The following FAR2 variants were observed in gnomAD, a reference collection of about 807,000 sequenced individuals.
FAR2 encodes the protein fatty acyl-CoA reductase 2, also known as epididymis secretory protein Li 81.
FAR2 carries 19 observed loss-of-function variants against 56.0 expected under a neutral mutation model. The ratio of observed to expected loss-of-function variants is 0.34; its 90% CI spans 0.24 to 0.50. FAR2 has a LOEUF of 0.50. Ranked by LOEUF, FAR2 falls within the 20% of genes least tolerant of loss-of-function variation. The pLI is 0.98. For missense variants in FAR2, 508 were observed against 642.2 expected (o/e 0.79, Z 2.26); for synonymous variants, 219 against 218.8 (o/e 1.00, Z -0.01).
rs11050198 is a variant in FAR2, at chr12:29,328,161, T to C, written c.1258-4439T>C. 8.2e-3 allele frequency among the ~76,000 whole-genome samples: 1,245 copies of C among 152,088 alleles called. 18 individuals are homozygous for C. The highest frequency in any genetic ancestry group is 0.033 in the East Asian group (170 of 5,162). ...CAAAAAACACATGAAAAAATGCTCA[T>C]CATCACTGGCCATCAGAGAAATGCA... On this transcript the variant is annotated intron_variant, in intron 10 of 11. Coordinates refer to ENST00000536681, the MANE Select transcript of FAR2 (RefSeq NM_001271783.2).
intron 1 of FAR2, among the ~76,000 whole-genome samples, chr12:29,226,035 A>C (rs1947763901): frequency 6.6e-6 from 1 of 152,170 alleles, no homozygotes; most frequent in African/African-American, 2.4e-5. Flanking sequence ...GACTCGTACA[A>C]ATTACTTAAG....
chr12:29,154,521 G>A (rs1324910408), intron 1 of FAR2, among the ~76,000 whole-genome samples: 7 of 151,452 alleles, frequency 4.6e-5, no homozygotes, highest in African/African-American at 4.9e-5. Context: ...TGCAAGCTCC[G>A]CCTCCCAGGT....
At chr12:29,207,699 G>C (rs1947491928) in intron 1 of FAR2, among the ~76,000 whole-genome samples, 1 of 152,168 alleles carries the variant, frequency 6.6e-6, no homozygotes, top group Non-Finnish European at 1.5e-5. Context: ...TGGATGGATA[G>C]ATAGACAGAT....
intron 1 of FAR2, among the ~76,000 whole-genome samples, chr12:29,262,814 T>C (rs1188837687): frequency 6.6e-6 from 1 of 152,106 alleles, no homozygotes; most frequent in Admixed American, 6.5e-5. Flanking sequence ...TAACATTGAA[T>C]GTAAATGGAC....
intron 1 of FAR2, among the ~76,000 whole-genome samples, chr12:29,159,990 A>T (rs1949767425): frequency 1.3e-5 from 2 of 152,210 alleles, no homozygotes; most frequent in African/African-American, 4.8e-5. Context: ...TGGAGGCAAG[A>T]TCAAAAACCA....
chr12:29,270,072 C>T (rs1434877683), intron 1 of FAR2, among the ~76,000 whole-genome samples: 1 of 152,188 alleles, frequency 6.6e-6, no homozygotes, highest in Non-Finnish European at 1.5e-5. Context: ...TTCTATGTAC[C>T]CCTCTCAGGT....
At chr12:29,277,798 T>C (rs1461488752) in intron 2 of FAR2, 1 of 152,214 alleles carries the variant, frequency 6.6e-6, no homozygotes, top group African/African-American at 2.4e-5. Flanking sequence ...CAAAAATTTA[T>C]AGAAGTATAA....
At chr12:29,242,108 C>T (rs1948046515) in intron 1 of FAR2, among the ~76,000 whole-genome samples, 1 of 152,190 alleles carries the variant, frequency 6.6e-6, no homozygotes, top group African/African-American at 2.4e-5. Context: ...GAAGGAGTCA[C>T]ACCAGTGTGA....
chr12:29,263,695 A>G (rs1475091331), intron 1 of FAR2, among the ~76,000 whole-genome samples: 1 of 143,124 alleles, frequency 7.0e-6, no homozygotes. Context: ...TGTACAACGT[A>G]CTAAGAATAA....
At chr12:29,274,950 G>A (rs562737367) in intron 2 of FAR2, among the ~76,000 whole-genome samples, 4 of 141,424 alleles carry the variant, frequency 2.8e-5, no homozygotes, top group African/African-American at 7.9e-5. Context: ...AAATGGACGC[G>A]CATGAAATTT....
At position 29,225,590 on chromosome 12, in the gene FAR2, T is replaced by C. The variant is rs1016413712; in HGVS notation, c.-38-44822T>C. Among the ~76,000 whole-genome samples, 13 of 152,216 alleles carry C rather than the reference T, an allele frequency of 8.5e-5. No individual in the cohort carries two copies. In the East Asian group the frequency reaches 2.5e-3, roughly 29 times the overall value. ...TGCTCTGGAATAAGCTCTGTAATAC[T>C]ATTTCTAGTCAGAGTACACCTCAAA... On this transcript the variant is annotated intron_variant, in intron 1 of 11. Transcript: ENST00000536681.
chr12:29,211,599 C>G (rs559530627), intron 1 of FAR2, among the ~76,000 whole-genome samples: 2 of 152,134 alleles, frequency 1.3e-5, no homozygotes, highest in Non-Finnish European at 2.9e-5. Flanking sequence ...CCATCATAAG[C>G]GAGCAACTGA....
Position 29,314,592 on chromosome 12 carries a change from C to T in FAR2, c.956-2249C>T, listed in dbSNP as rs11050180. Among the ~76,000 whole-genome samples the T allele has an allele frequency of 8.3e-3, 1,263 of 152,026 alleles. 19 individuals carry two copies. The highest frequency in any genetic ancestry group is 0.034 in the East Asian group (174 of 5,164). On this transcript the variant is annotated intron_variant, in intron 8 of 11. Coordinates refer to ENST00000536681, the MANE Select transcript of FAR2 (RefSeq NM_001271783.2). ...CATTTGGACAGCTTTCTCAGAAAGC[C>T]TTTCCTAACCCAGCCTCACCCCTCC... is the stretch of plus-strand genomic sequence containing the variant.
In FAR2 at chr12:29,332,671, A is replaced by G. The variant is rs746310212; in HGVS notation, c.1329A>G (p.Lys443=). 2 of 1,613,830 alleles carry G rather than the reference A, an allele frequency of 1.2e-6. No homozygotes were observed. The highest frequency in any genetic ancestry group is 2.2e-5 in the East Asian group (1 of 44,856). The stretch of plus-strand genomic sequence containing the variant: ...AAAATTATGTTTTGGGAGTTAAAAA[A>G]TACTTATTGAAAGAGGATATGGCTG... ...YIENYVLGVK[K]YLLKEDMAGI... The change falls in exon 11 of 12, where the codon AAA becomes AAG. Residue 443 remains lysine (K), a synonymous_variant. Coordinates refer to ENST00000536681, the MANE Select transcript of FAR2 (RefSeq NM_001271783.2).
chr12:29,198,656 T>A (rs1293428223), intron 1 of FAR2, among the ~76,000 whole-genome samples: 2 of 152,192 alleles, frequency 1.3e-5, no homozygotes, highest in African/African-American at 4.8e-5. Flanking sequence ...TTTGAACATT[T>A]TTTTAAAAAC....
At position 29,328,658 on chromosome 12, in the gene FAR2, C is replaced by T. The variant is rs561998628; in HGVS notation, c.1258-3942C>T. On this transcript the variant is annotated intron_variant, in intron 10 of 11. Transcript: ENST00000536681. Reference sequence around the variant, plus strand: ...ATCGCAAGGACAAAAAACCAAACACCGCATGTTCTCACTCATAGGTGGGAA... The same window carrying T: ...ATCGCAAGGACAAAAAACCAAACACTGCATGTTCTCACTCATAGGTGGGAA... 4.8e-4 allele frequency among the ~76,000 whole-genome samples: 72 copies of T among 149,034 alleles called. 1 individual carries two copies. Among genetic ancestry groups the T allele is most frequent in the South Asian group, 1.3e-3 (6 of 4,696 alleles).
intron 2 of FAR2, among the ~76,000 whole-genome samples, chr12:29,284,840 T>C (rs1948844100): frequency 7.6e-6 from 1 of 131,912 alleles, no homozygotes; most frequent in Non-Finnish European, 1.7e-5. Context: ...GTTTTGTTTG[T>C]TTGTTTGTTT....
intron 1 of FAR2, among the ~76,000 whole-genome samples, chr12:29,192,216 C>T (rs1246418938): frequency 6.6e-6 from 1 of 152,226 alleles, no homozygotes; most frequent in Non-Finnish European, 1.5e-5. Context: ...ATAATTCTCT[C>T]CATTGTTTTG....
chr12:29,213,620 A>G lies in FAR2; in HGVS notation c.-38-56792A>G, dbSNP rs185941610. Among the ~76,000 whole-genome samples, 223 of 149,914 alleles carry G rather than the reference A, an allele frequency of 1.5e-3. 1 individual carries two copies. In the South Asian group the frequency reaches 0.022, roughly 15 times the overall value. On this transcript the variant is annotated intron_variant, in intron 1 of 11. Transcript: ENST00000536681. Reference sequence around the variant, plus strand: ...CAGGGGAATCGCTTGAATCCGGGAGACGGAGGTTGCAGTGAGCTGAGATCG... The same window carrying G: ...CAGGGGAATCGCTTGAATCCGGGAGGCGGAGGTTGCAGTGAGCTGAGATCG...
Sources: allele counts gnomAD v4.1 joint callset (sites outside exome capture counted in the v4.1 genomes callset), GRCh38; gene constraint gnomAD v4.1.1; transcripts MANE v1.5; gene names NCBI Gene and HGNC (gene_info 2026-07-23, HGNC 2026-07-21).